The following TNS3 variants were observed in gnomAD, a reference collection of about 807,000 sequenced individuals.
TNS3 encodes the protein tensin 3.
In TNS3, 45 loss-of-function variants were observed where a neutral mutation model predicts 140.9. The ratio of observed to expected loss-of-function variants is 0.32; its 90% CI spans 0.25 to 0.41. TNS3 has a LOEUF of 0.41. Ranked by LOEUF, TNS3 falls within the 10% of genes least tolerant of loss-of-function variation. TNS3 has a pLI of 1.00. For missense variants in TNS3, 1,716 were observed against 1,906.7 expected, an observed-to-expected ratio of 0.90 and a Z score of 1.86; for synonymous variants, 815 against 788.4, an observed-to-expected ratio of 1.03 and a Z score of -0.56.
chr7:47,422,247 G>GCAAA (rs1562720106), intron 10 of TNS3, among the ~76,000 whole-genome samples: 32 of 152,288 alleles, frequency 2.1e-4, no homozygotes, highest in African/African-American at 7.7e-4. Flanking sequence ...AATCCAGCAA[G>GCAAA]CATTAAAAAA....
At chr7:47,402,416 T>C (rs979278004) in intron 13 of TNS3, among the ~76,000 whole-genome samples, 6 of 152,174 alleles carry the variant, frequency 3.9e-5, no homozygotes, top group Non-Finnish European at 5.9e-5. Flanking sequence ...TGTGAAGAAA[T>C]GTTGCCTCAA....
At chr7:47,366,678 CTG>C (rs2151131523) in intron 17 of TNS3, among the ~76,000 whole-genome samples, 1 of 152,322 alleles carries the variant, frequency 6.6e-6, no homozygotes, top group East Asian at 1.9e-4. Context: ...GATGGAGACA[CTG>C]AGTCCACACC....
chr7:47,559,085 T>C (rs1800270081), intron 1 of TNS3, among the ~76,000 whole-genome samples: 1 of 152,200 alleles, frequency 6.6e-6, no homozygotes, highest in African/African-American at 2.4e-5. Flanking sequence ...GTCGTGGTGG[T>C]TCACACCTGT....
At chr7:47,567,512 G>A (rs368937364) in intron 1 of TNS3, among the ~76,000 whole-genome samples, 1 of 151,936 alleles carries the variant, frequency 6.6e-6, no homozygotes, top group East Asian at 1.9e-4. Flanking sequence ...GTGAAACCCC[G>A]TCTCTACTAA....
chr7:47,528,573 G>T (rs531649881), intron 2 of TNS3, among the ~76,000 whole-genome samples: 2 of 152,252 alleles, frequency 1.3e-5, no homozygotes, highest in East Asian at 1.9e-4. Context: ...AAAAGAATTG[G>T]CAAGTTCCAT....
intron 17 of TNS3, among the ~76,000 whole-genome samples, chr7:47,347,807 C>T (rs534992747): frequency 3.9e-5 from 6 of 152,282 alleles, no homozygotes; most frequent in East Asian, 3.9e-4. Flanking sequence ...TGGGGTCTCA[C>T]GTGTATCCCT....
intron 28 of TNS3, among the ~76,000 whole-genome samples, chr7:47,283,328 A>C (rs921601713): frequency 6.6e-6 from 1 of 152,248 alleles, no homozygotes; most frequent in African/African-American, 2.4e-5. Flanking sequence ...CCCTCTGTTA[A>C]AACAATAGGT....
At chr7:47,422,532 G>C (rs1295871638) in intron 10 of TNS3, among the ~76,000 whole-genome samples, 6 of 152,082 alleles carry the variant, frequency 3.9e-5, no homozygotes, top group Non-Finnish European at 5.9e-5. Context: ...AGGATTGCTT[G>C]AGCCCAGGAG....
In TNS3 at chr7:47,323,028, G is replaced by A. The variant is rs557086153; in HGVS notation, c.2651-18025C>T. On this transcript the variant is annotated intron_variant, in intron 20 of 30. Coordinates refer to ENST00000311160, the MANE Select transcript of TNS3 (RefSeq NM_022748.12). ...GGATTCATTGCATGGTAGGCACCCCGTCTCCAGCCCACCTGCAGCTCTGCA... is the reference window on the plus strand; with the variant it reads ...GGATTCATTGCATGGTAGGCACCCCATCTCCAGCCCACCTGCAGCTCTGCA... 3.9e-5 allele frequency among the ~76,000 whole-genome samples: 6 copies of A among 152,248 alleles called. No homozygotes were observed. The South Asian group carries it at 6.2e-4, about 16-fold the overall frequency.
intron 17 of TNS3, among the ~76,000 whole-genome samples, chr7:47,367,427 A>G (rs1447198340): frequency 6.6e-6 from 1 of 152,180 alleles, no homozygotes; most frequent in African/African-American, 2.4e-5. Flanking sequence ...GCCCCATTAC[A>G]TCGATGCAGC....
chr7:47,310,280 C>G (rs1250715504), intron 20 of TNS3, among the ~76,000 whole-genome samples: 2 of 152,198 alleles, frequency 1.3e-5, no homozygotes, highest in African/African-American at 2.4e-5. Flanking sequence ...TAAAAAAGAT[C>G]AGCAGGGATT....
intron 1 of TNS3, among the ~76,000 whole-genome samples, chr7:47,568,764 G>A (rs1205217340): frequency 1.3e-5 from 2 of 152,214 alleles, no homozygotes; most frequent in East Asian, 3.8e-4. Context: ...TGGGGGAGTC[G>A]TGAGTGGCAC....
intron 17 of TNS3, among the ~76,000 whole-genome samples, chr7:47,366,374 C>T (rs79358388): frequency 0.034 from 5,160 of 152,278 alleles, 288 homozygotes; most frequent in African/African-American, 0.11. Context: ...CTCAGGCAAG[C>T]TGGAATGACA....
At chr7:47,446,442 G>C (rs1180180395) in intron 4 of TNS3, among the ~76,000 whole-genome samples, 1 of 152,112 alleles carries the variant, frequency 6.6e-6, no homozygotes, top group Non-Finnish European at 1.5e-5. Flanking sequence ...GTTTCCATGA[G>C]ATAGAAACAC....
chr7:47,473,618 C>A (rs1233858017), intron 4 of TNS3, among the ~76,000 whole-genome samples: 1 of 152,140 alleles, frequency 6.6e-6, no homozygotes, highest in Non-Finnish European at 1.5e-5. Context: ...AGTCAAATAC[C>A]TGGACTTATG....
intron 15 of TNS3, among the ~76,000 whole-genome samples, chr7:47,398,574 A>T (rs972098612): frequency 6.6e-6 from 1 of 152,200 alleles, no homozygotes; most frequent in African/African-American, 2.4e-5. Context: ...AACAAAAACC[A>T]TATGTCATTT....
chr7:47,365,518 C>A (rs987896825), intron 17 of TNS3, among the ~76,000 whole-genome samples: 5 of 151,728 alleles, frequency 3.3e-5, no homozygotes, highest in Non-Finnish European at 5.9e-5. Flanking sequence ...AATCCCAGCA[C>A]TTTGGGAAGC....
At chr7:47,453,368 C>T (rs1796109232) in intron 4 of TNS3, 1 of 559,582 alleles carries the variant, frequency 1.8e-6, no homozygotes, top group Non-Finnish European at 2.3e-6. Context: ...CTCAAAAGTT[C>T]CCCCAGGAAA....
At chr7:47,470,358 CA>C in intron 4 of TNS3, 1 of 784,878 alleles carries the variant, frequency 1.3e-6, no homozygotes, top group African/African-American at 1.9e-5. Context: ...ACTTTAAAAA[CA>C]ACTTTAAAAA....
Sources: gnomAD v4.1 joint callset for allele counts (sites outside exome capture counted in the v4.1 genomes callset) on GRCh38, gnomAD v4.1.1 for gene constraint, MANE v1.5 for transcripts, NCBI Gene and HGNC (gene_info 2026-07-23, HGNC 2026-07-21) for gene names.